The following PCDHA7 variants were observed in gnomAD, a reference collection of about 807,000 sequenced individuals.
PCDHA7 encodes protocadherin alpha 7.
PCDHA7 carries 37 observed loss-of-function variants against 57.2 expected under a neutral mutation model. The observed-to-expected ratio is 0.65, with a 90% CI of 0.50 to 0.85. PCDHA7 has a LOEUF of 0.85. PCDHA7 is among the 40% of genes least tolerant of loss of function. PCDHA7 has a pLI of 0.00. For missense variants in PCDHA7, 1,188 were observed against 1,241.8 expected (o/e 0.96, Z 0.65); for synonymous variants, 553 against 558.8 (o/e 0.99, Z 0.15).
At chr5:140,966,603 G>A (rs567686852) in intron 1 of PCDHA7, 9 of 656,454 alleles carry the variant, frequency 1.4e-5, no homozygotes, top group African/African-American at 1.3e-4. Flanking sequence ...AGGAGCCCTT[G>A]GGAGGGCCTA....
chr5:140,877,822 TTAAA>T, intron 1 of PCDHA7: 1 of 1,603,218 alleles, frequency 6.2e-7, no homozygotes, highest in East Asian at 2.2e-5. Flanking sequence ...AGAAGATTGT[TTAAA>T]TCCTCCCAGT....
chr5:140,967,610 T>A, intron 1 of PCDHA7: 1 of 1,614,108 alleles, frequency 6.2e-7, no homozygotes, highest in Non-Finnish European at 8.5e-7. Context: ...GCTGAATGCC[T>A]CAGACCCGGA....
At chr5:140,907,712 T>A (rs1562961756) in intron 1 of PCDHA7, among the ~76,000 whole-genome samples, 1 of 152,198 alleles carries the variant, frequency 6.6e-6, no homozygotes, top group African/African-American at 2.4e-5. Context: ...GCTGAGCCCA[T>A]GTGTAACCTC....
chr5:140,855,744 T>C, intron 1 of PCDHA7: 1 of 316,692 alleles, frequency 3.2e-6, no homozygotes, highest in Non-Finnish European at 5.8e-6. Context: ...AGACGTAATG[T>C]GAGGCTTTGA....
chr5:140,883,859 T>C (rs1554180306), intron 1 of PCDHA7: 12 of 1,613,116 alleles, frequency 7.4e-6, no homozygotes, highest in East Asian at 2.2e-5. Context: ...GCTGGAGCTG[T>C]TGCAGTTCCA....
chr5:140,851,723 G>A lies in PCDHA7; in HGVS notation c.2355+14985G>A, dbSNP rs1581264682. 7 of 966,358 alleles carry A rather than the reference G, an allele frequency of 7.2e-6. 1 individual carries two copies. In the South Asian group the frequency reaches 1.4e-4, roughly 20 times the overall value. 59.9% of individuals were successfully genotyped at this position (966,358 alleles called of 1,614,324 possible). A position where few individuals can be genotyped will look rare whatever the true frequency, so the allele number is the denominator to read the frequency against. ...CAGCCATGTGAAGATTCGAAACTTC[G>A]AGTTCTTTTGAAATTCAGAGTCTGT... On this transcript the variant is annotated intron_variant, in intron 1 of 3. Transcript: ENST00000525929.
chr5:140,980,699 A>G (rs1183109723), intron 2 of PCDHA7, among the ~76,000 whole-genome samples: 1 of 152,186 alleles, frequency 6.6e-6, no homozygotes, highest in African/African-American at 2.4e-5. Flanking sequence ...AAAAAAGCCA[A>G]ATGTGCTCCT....
chr5:141,008,579 T>C (rs1554261820), intron 3 of PCDHA7, among the ~76,000 whole-genome samples: 1 of 152,232 alleles, frequency 6.6e-6, no homozygotes, highest in African/African-American at 2.4e-5. Flanking sequence ...TTCCCAAGAC[T>C]CAGGGCAGAT....
chr5:140,965,011 A>T (rs1418726287), intron 1 of PCDHA7, among the ~76,000 whole-genome samples: 1 of 152,186 alleles, frequency 6.6e-6, no homozygotes, highest in Non-Finnish European at 1.5e-5. Context: ...TGTCAGGATC[A>T]CAACCTTGGC....
intron 1 of PCDHA7, chr5:140,870,351 C>G (rs958022470): frequency 2.5e-6 from 4 of 1,614,202 alleles, no homozygotes; most frequent in Non-Finnish European, 3.4e-6. Context: ...ACCGCGAGAA[C>G]GTGTGGGCCT....
At chr5:140,979,120 T>A in intron 2 of PCDHA7, 113 bp downstream of exon 2, 1 of 1,497,648 alleles carries the variant, frequency 6.7e-7, no homozygotes, top group Non-Finnish European at 8.9e-7. Flanking sequence ...CTTTAGGTAC[T>A]TTGCCAGGAA....
intron 1 of PCDHA7, chr5:140,966,628 C>G (rs944715570): frequency 7.9e-5 from 76 of 964,108 alleles, no homozygotes; most frequent in Non-Finnish European, 1.0e-4. Flanking sequence ...GGGAGCGGCC[C>G]CAGGCGCTTT....
At position 140,850,723 on chromosome 5, in the gene PCDHA7, G is replaced by T. The variant is rs2150495847; in HGVS notation, c.2355+13985G>T. 3.1e-5 allele frequency: 49 copies of T among 1,597,922 alleles called. 7 individuals carry two copies. The highest frequency in any genetic ancestry group is 4.2e-5 in the Non-Finnish European group (49 of 1,167,668). The stretch of plus-strand genomic sequence containing the variant: ...GGCAAGCCGACGCTGGTGTGTTCTA[G>T]CGCGGTGGGGAGTTGGTCGTACTCG... On this transcript the variant is annotated intron_variant, in intron 1 of 3. Transcript: ENST00000525929.
intron 3 of PCDHA7, among the ~76,000 whole-genome samples, chr5:141,002,751 C>T (rs1204940300): frequency 3.9e-5 from 6 of 152,152 alleles, no homozygotes; most frequent in African/African-American, 1.4e-4. Context: ...CATCGACAAC[C>T]CTGTGATGTA....
At chr5:140,848,690 G>A in intron 1 of PCDHA7, 8 of 1,592,462 alleles carry the variant, frequency 5.0e-6, no homozygotes, top group Non-Finnish European at 6.9e-6. Flanking sequence ...GCCTGTTCCA[G>A]TTGGATTCCA....
intron 1 of PCDHA7, among the ~76,000 whole-genome samples, chr5:140,945,069 A>G (rs550774069): frequency 6.6e-6 from 1 of 152,278 alleles, no homozygotes; most frequent in East Asian, 1.9e-4. Context: ...TACAGACTCC[A>G]CCAAAACACT....
At chr5:141,003,486 T>C (rs1563677160) in intron 3 of PCDHA7, among the ~76,000 whole-genome samples, 2 of 152,054 alleles carry the variant, frequency 1.3e-5, no homozygotes. Flanking sequence ...CTAATTTTTA[T>C]AGTTTTAGTA....
intron 1 of PCDHA7, chr5:140,843,316 T>G (rs1778793829): frequency 1.9e-6 from 3 of 1,595,872 alleles, no homozygotes; most frequent in South Asian, 1.1e-5. Flanking sequence ...CGGCCACGGT[T>G]CTGGTGTCGC....
chr5:140,876,795 G>A (rs782560755), intron 1 of PCDHA7: 97 of 1,614,108 alleles, frequency 6.0e-5, no homozygotes, highest in Non-Finnish European at 7.5e-5. Context: ...CGGCTAGAGT[G>A]TCCGTGGAGG....
Sources: allele counts gnomAD v4.1 joint callset (sites outside exome capture counted in the v4.1 genomes callset), GRCh38; gene constraint gnomAD v4.1.1; transcripts MANE v1.5; gene names NCBI Gene and HGNC (gene_info 2026-07-23, HGNC 2026-07-21).